MGAT4C: variants seen among roughly 807,000 people sequenced by gnomAD.
MGAT4C encodes MGAT4 family member C.
MGAT4C carries 19 observed loss-of-function variants against 40.1 expected under a neutral mutation model. The ratio of observed to expected loss-of-function variants is 0.47; its 90% CI spans 0.33 to 0.70. The LOEUF (loss-of-function observed/expected upper bound fraction) is 0.70, where lower values mean the gene tolerates loss of function less well. Among genes scored for constraint, MGAT4C ranks in the 30% least tolerant of loss-of-function variants. The pLI, the probability that MGAT4C is intolerant of heterozygous loss-of-function variation, is 0.02. For missense variants in MGAT4C, 491 were observed against 563.2 expected (o/e 0.87, Z 1.30); for synonymous variants, 181 against 187.1 (o/e 0.97, Z 0.27).
rs569665067 is a variant in MGAT4C at position 86,209,291 on chromosome 12, G to C, written c.-57+46948C>G. Among the ~76,000 whole-genome samples, 112 of 151,854 alleles carry C rather than the reference G, an allele frequency of 7.4e-4. 1 individual carries two copies. Among genetic ancestry groups the C allele is most frequent in the Non-Finnish European group, 1.3e-3 (87 of 67,902 alleles). On this transcript the variant is annotated intron_variant, in intron 1 of 4. Coordinates refer to ENST00000611864, the MANE Select transcript of MGAT4C (RefSeq NM_001351288.2). Reference sequence around the variant, plus strand: ...TAAAGAATTACATTGTGTTAAAGTTGGATACTACCCTTCTGAAAAAAAATC... The same window carrying C: ...TAAAGAATTACATTGTGTTAAAGTTCGATACTACCCTTCTGAAAAAAAATC...
intron 2 of MGAT4C, among the ~76,000 whole-genome samples, chr12:86,013,993 G>C (rs1245165703): frequency 6.6e-6 from 1 of 152,032 alleles, no homozygotes; most frequent in Non-Finnish European, 1.5e-5. Context: ...TTTTTCTGCT[G>C]ACCAATAAAA....
At chr12:86,066,277 G>A (rs1364180776) in intron 1 of MGAT4C, among the ~76,000 whole-genome samples, 1 of 152,084 alleles carries the variant, frequency 6.6e-6, no homozygotes, top group South Asian at 2.1e-4. Flanking sequence ...AAAGAACAAA[G>A]CTGGATGCAT....
chr12:86,119,544 A>C (rs1879009823), intron 1 of MGAT4C, among the ~76,000 whole-genome samples: 1 of 151,596 alleles, frequency 6.6e-6, no homozygotes. Context: ...AGTAGCTGGG[A>C]TTACAGGCGT....
At chr12:86,447,581 C>G (rs1054955981) in intron 2 of MGAT4C, among the ~76,000 whole-genome samples, 1 of 151,822 alleles carries the variant, frequency 6.6e-6, no homozygotes, top group Non-Finnish European at 1.5e-5. Context: ...TCTACATAGA[C>G]AGTAAAATAA....
At chr12:86,808,962 G>T (rs1362349928) in intron 1 of MGAT4C, among the ~76,000 whole-genome samples, 1 of 151,926 alleles carries the variant, frequency 6.6e-6, no homozygotes, top group Admixed American at 6.6e-5. Context: ...AAGTGCAAAA[G>T]TCACAAGCAT....
intron 2 of MGAT4C, among the ~76,000 whole-genome samples, chr12:86,667,621 T>C (rs1422962492): frequency 1.3e-5 from 2 of 152,232 alleles, no homozygotes; most frequent in African/African-American, 4.8e-5. Flanking sequence ...AATCTTTCCT[T>C]GCAATGGGAA....
At chr12:86,087,596 C>G (rs886517896) in intron 1 of MGAT4C, among the ~76,000 whole-genome samples, 2 of 152,030 alleles carry the variant, frequency 1.3e-5, no homozygotes, top group Admixed American at 6.6e-5. Flanking sequence ...TTTATCAGAT[C>G]TAGGAGCTTT....
At chr12:86,528,617 A>T (rs1480680948) in intron 2 of MGAT4C, among the ~76,000 whole-genome samples, 2 of 152,096 alleles carry the variant, frequency 1.3e-5, no homozygotes, top group East Asian at 3.8e-4. Flanking sequence ...CATGAACAAT[A>T]TGAACTTATG....
At chr12:86,671,223 A>G (rs1367569334) in intron 2 of MGAT4C, among the ~76,000 whole-genome samples, 1 of 152,258 alleles carries the variant, frequency 6.6e-6, no homozygotes, top group African/African-American at 2.4e-5. Flanking sequence ...AATAACTCCA[A>G]GAACAGTTTT....
intron 2 of MGAT4C, among the ~76,000 whole-genome samples, chr12:86,487,263 A>C (rs1464363891): frequency 6.6e-6 from 1 of 152,122 alleles, no homozygotes; most frequent in Admixed American, 6.6e-5. Context: ...TTAGATACTG[A>C]TATATAATGC....
chr12:86,056,937 T>A (rs925350572), intron 1 of MGAT4C, among the ~76,000 whole-genome samples: 1 of 112,088 alleles, frequency 8.9e-6, no homozygotes, highest in South Asian at 5.3e-4. Flanking sequence ...TTTAAAGTGA[T>A]AATATAAAAA....
At chr12:86,509,801 G>T (rs1018735262) in intron 2 of MGAT4C, among the ~76,000 whole-genome samples, 1 of 152,070 alleles carries the variant, frequency 6.6e-6, no homozygotes, top group Admixed American at 6.6e-5. Flanking sequence ...GGATTCCTAG[G>T]TATTTTATTC....
chr12:86,050,209 TA>T (rs1892766193), intron 1 of MGAT4C, among the ~76,000 whole-genome samples: 1 of 152,006 alleles, frequency 6.6e-6, no homozygotes, highest in East Asian at 1.9e-4. Context: ...CCATCACATA[TA>T]AAAGGTTACA....
chr12:85,983,816 G>T, intron 3 of MGAT4C, 146 bp from the exon 4 acceptor site: 1 of 605,896 alleles, frequency 1.7e-6, no homozygotes, highest in Non-Finnish European at 2.5e-6. Context: ...GTCATAAGCT[G>T]TAGCTCATCA....
At chr12:86,286,303 A>T (rs1259099480) in intron 4 of MGAT4C, among the ~76,000 whole-genome samples, 1 of 152,164 alleles carries the variant, frequency 6.6e-6, no homozygotes, top group East Asian at 1.9e-4. Context: ...AGAACATTAG[A>T]GAGGCCCTAA....
intron 2 of MGAT4C, among the ~76,000 whole-genome samples, chr12:86,440,994 T>A (rs1430717797): frequency 6.6e-6 from 1 of 152,184 alleles, no homozygotes; most frequent in Non-Finnish European, 1.5e-5. Flanking sequence ...ATACATCCGA[T>A]GCTCATGGAC....
At chr12:86,289,277 TG>T (rs138492192) in intron 4 of MGAT4C, among the ~76,000 whole-genome samples, 34,697 of 152,084 alleles carry the variant, frequency 0.23, 4,126 homozygotes, top group East Asian at 0.37. Context: ...TGTTTGTTTT[TG>T]TACCAATACC....
At chr12:86,018,507 T>C (rs540908951) in intron 2 of MGAT4C, among the ~76,000 whole-genome samples, 11 of 152,324 alleles carry the variant, frequency 7.2e-5, no homozygotes, top group African/African-American at 2.6e-4. Context: ...GAAGGCTGCA[T>C]ATGCCCTCAG....
At chr12:86,831,162 T>C (rs1051393789) in intron 1 of MGAT4C, among the ~76,000 whole-genome samples, 4 of 151,784 alleles carry the variant, frequency 2.6e-5, no homozygotes, top group Admixed American at 1.3e-4. Flanking sequence ...TTTCTACATG[T>C]AAATTCTACC....
Sources: gnomAD v4.1 joint callset for allele counts (sites outside exome capture counted in the v4.1 genomes callset) on GRCh38, gnomAD v4.1.1 for gene constraint, MANE v1.5 for transcripts, NCBI Gene and HGNC (gene_info 2026-07-23, HGNC 2026-07-21) for gene names.